The following UBE2L3 variants were observed in gnomAD, a reference collection of about 807,000 sequenced individuals.
UBE2L3 encodes ubiquitin conjugating enzyme E2 L3.
Under a neutral mutation model 17.8 loss-of-function variants are expected in UBE2L3, and 1 was observed. That is an observed-to-expected ratio of 0.06 (90% confidence interval 0.02 to 0.27). The LOEUF is 0.27. Among genes scored for constraint, UBE2L3 ranks in the 10% least tolerant of loss-of-function variants. The pLI, the probability that UBE2L3 is intolerant of heterozygous loss-of-function variation, is 1.00. For synonymous variants in UBE2L3, 44 were observed against 68.5 expected (o/e 0.64, Z 1.76); for missense variants, 40 against 192.6 (o/e 0.21, Z 4.69).
At chr22:21,607,787 A>G (rs1004845157) in intron 2 of UBE2L3, among the ~76,000 whole-genome samples, 3 of 152,168 alleles carry the variant, frequency 2.0e-5, no homozygotes, top group Non-Finnish European at 4.4e-5. Context: ...GGGCTAGGGC[A>G]TGGTGCTGGC....
intron 1 of UBE2L3, among the ~76,000 whole-genome samples, chr22:21,576,907 A>G (rs1466223694): frequency 6.9e-6 from 1 of 144,524 alleles, no homozygotes; most frequent in South Asian, 2.2e-4. Flanking sequence ...GGTTCAAGCA[A>G]TTCTCCCTGC....
In UBE2L3 at chr22:21,568,160, C is replaced by A. The variant is rs1317534501; in HGVS notation, c.27+389C>A. On this transcript the variant is annotated intron_variant, in intron 1 of 3. Transcript: ENST00000342192. ...AGGCCCGAGCGCCGGAGCCCCTGCCCGGAGCCCGCGCCGCGGAACCGCCCC... is the reference window on the plus strand; with the variant it reads ...AGGCCCGAGCGCCGGAGCCCCTGCCAGGAGCCCGCGCCGCGGAACCGCCCC... The A allele has an allele frequency of 3.0e-6, 3 of 1,011,172 alleles. No homozygotes were observed. The South Asian group carries it at 1.4e-4, about 46-fold the overall frequency. 62.6% of individuals were successfully genotyped at this position (1,011,172 alleles called of 1,614,324 possible).
At chr22:21,591,026 G>A (rs1468571258) in intron 1 of UBE2L3, among the ~76,000 whole-genome samples, 2 of 152,174 alleles carry the variant, frequency 1.3e-5, no homozygotes, top group African/African-American at 2.4e-5. Context: ...TCCCCTTTCT[G>A]AGTCTGCCCA....
At chr22:21,562,472 T>C (rs2845517) in intron 1 of UBE2L3, among the ~76,000 whole-genome samples, 9 of 151,536 alleles carry the variant, frequency 5.9e-5, no homozygotes, top group Middle Eastern at 3.2e-3. Context: ...CCCGGGTTCA[T>C]GCCATTCTCC....
chr22:21,588,469 T>C (rs1458606359), intron 1 of UBE2L3, among the ~76,000 whole-genome samples: 2 of 142,406 alleles, frequency 1.4e-5, no homozygotes, highest in African/African-American at 2.7e-5. Context: ...CTTTCTTTTT[T>C]TTTTTTTTTT....
chr22:21,608,343 G>A (rs937754264), intron 2 of UBE2L3, among the ~76,000 whole-genome samples: 2 of 152,100 alleles, frequency 1.3e-5, no homozygotes, highest in Admixed American at 6.6e-5. Flanking sequence ...TCAAACTCCT[G>A]GGCCTAAGAA....
intron 1 of UBE2L3, among the ~76,000 whole-genome samples, chr22:21,588,085 C>T (rs1928044450): frequency 6.6e-6 from 1 of 152,194 alleles, no homozygotes; most frequent in South Asian, 2.1e-4. Context: ...GCACCATCAG[C>T]CCTGAGCAGC....
chr22:21,618,244 A>C (rs934635733), intron 3 of UBE2L3, among the ~76,000 whole-genome samples: 6 of 151,428 alleles, frequency 4.0e-5, no homozygotes, highest in Admixed American at 2.0e-4. Flanking sequence ...GAAATAGACA[A>C]ATGGCATCTT....
intron 3 of UBE2L3, among the ~76,000 whole-genome samples, chr22:21,613,912 T>C (rs1223465928): frequency 6.6e-6 from 1 of 152,218 alleles, no homozygotes; most frequent in Admixed American, 6.5e-5. Flanking sequence ...GGTTCCAGGG[T>C]GAAGGCATAG....
chr22:21,621,954 C>T lies in UBE2L3; in HGVS notation c.*285C>T, dbSNP rs1020727415. 5 of 328,948 alleles carry T rather than the reference C, an allele frequency of 1.5e-5. No homozygotes were observed. In the South Asian group the frequency reaches 2.1e-4, roughly 14 times the overall value. The allele number at this position is 328,948 out of a possible 1,614,324, so 20.4% of individuals were successfully genotyped here. ...GTTTCTTTTCTTGTCCAATTTTATC[C>T]AAAATCTTCAAGTTACATTTAACCC... On this transcript the variant is annotated 3_prime_UTR_variant, in exon 4 of 4. Transcript: ENST00000342192.
At chr22:21,579,307 TATG>T (rs1484397478) in intron 1 of UBE2L3, among the ~76,000 whole-genome samples, 1 of 152,032 alleles carries the variant, frequency 6.6e-6, no homozygotes, top group Non-Finnish European at 1.5e-5. Flanking sequence ...TGTAATTAGT[TATG>T]ATGATAACTA....
At chr22:21,615,953 C>G (rs1406398654) in intron 3 of UBE2L3, among the ~76,000 whole-genome samples, 1 of 152,104 alleles carries the variant, frequency 6.6e-6, no homozygotes, top group African/African-American at 2.4e-5. Context: ...GTCTAGTATT[C>G]CTGAGCACAG....
upstream of UBE2L3, among the ~76,000 whole-genome samples, chr22:21,563,818 G>T (rs1054205857): frequency 2.0e-5 from 3 of 151,354 alleles, no homozygotes; most frequent in African/African-American, 7.3e-5. Flanking sequence ...CTTGTGATCC[G>T]CCTGCCTCAG....
intron 1 of UBE2L3, among the ~76,000 whole-genome samples, chr22:21,569,395 CAAAA>C (rs541227444): frequency 5.8e-5 from 5 of 86,194 alleles, no homozygotes; most frequent in Admixed American, 1.3e-4. Flanking sequence ...GACTCCATGT[CAAAA>C]AAAAAAAAAA....
At chr22:21,595,565 A>C (rs1928468908) in intron 2 of UBE2L3, among the ~76,000 whole-genome samples, 1 of 152,184 alleles carries the variant, frequency 6.6e-6, no homozygotes, top group Admixed American at 6.5e-5. Context: ...TAGTGCACAG[A>C]GGAGGGCAGG....
intron 1 of UBE2L3, among the ~76,000 whole-genome samples, chr22:21,557,859 G>T (rs530654999): frequency 6.6e-6 from 1 of 152,334 alleles, no homozygotes; most frequent in South Asian, 2.1e-4. Context: ...CAGATTCGAA[G>T]AAGTGTTTTG....
intron 2 of UBE2L3, among the ~76,000 whole-genome samples, chr22:21,610,177 A>G (rs1397468906): frequency 2.0e-5 from 3 of 152,198 alleles, no homozygotes; most frequent in African/African-American, 7.2e-5. Flanking sequence ...GTGTCTTTAT[A>G]TGATGGAAAG....
At chr22:21,565,754 C>CAAAAAAAA (rs131662), upstream of UBE2L3, among the ~76,000 whole-genome samples, 25 of 30,278 alleles carry the variant, frequency 8.3e-4, no homozygotes, top group South Asian at 4.3e-3. Context: ...AACTGTGTCT[C>CAAAAAAAA]AAAAAAAAAA....
intron 2 of UBE2L3, among the ~76,000 whole-genome samples, chr22:21,608,433 T>C (rs895138846): frequency 7.2e-5 from 11 of 152,110 alleles, no homozygotes; most frequent in Admixed American, 2.0e-4. Flanking sequence ...TATTTTGTTA[T>C]TATTTTTTGA....
Sources: gnomAD v4.1 joint callset for allele counts (sites outside exome capture counted in the v4.1 genomes callset) on GRCh38, gnomAD v4.1.1 for gene constraint, MANE v1.5 for transcripts, NCBI Gene and HGNC (gene_info 2026-07-23, HGNC 2026-07-21) for gene names.